The following DSCAML1 variants were observed in gnomAD, a reference collection of about 807,000 sequenced individuals.
The protein encoded by DSCAML1 is cell adhesion molecule DSCAML1.
A neutral mutation model predicts 200.5 loss-of-function variants in DSCAML1; 38 were observed. That is an observed-to-expected ratio of 0.19 (90% CI 0.15 to 0.25). The LOEUF is 0.25. Ranked by LOEUF, DSCAML1 falls within the 10% of genes least tolerant of loss-of-function variation. The pLI is 1.00. For synonymous variants in DSCAML1, 1,215 were observed against 1,165.0 expected, an observed-to-expected ratio of 1.04 and a Z score of -0.87; for missense variants, 2,223 against 2,858.8, an observed-to-expected ratio of 0.78 and a Z score of 5.07.
In DSCAML1 at chr11:117,433,262, G is replaced by A; in HGVS notation, c.4908-6C>T. 1 of 1,606,196 alleles carries A rather than the reference G, an allele frequency of 6.2e-7. No individual in the cohort carries two copies. The highest frequency in any genetic ancestry group is 8.5e-7 in the Non-Finnish European group (1 of 1,175,654). On this transcript the variant is annotated splice_region_variant and splice_polypyrimidine_tract_variant and intron_variant, in intron 28 of 32. Transcript: ENST00000651296. ...CAAAGCTTCTATTGTTCTTGCTGTG[G>A]GGAGAAAGACTGGAGGTGGTGGCTC...
intron 12 of DSCAML1, 140 bp downstream of exon 12, chr11:117,481,823 G>A (rs1455793949): frequency 2.4e-6 from 2 of 840,896 alleles, no homozygotes; most frequent in Non-Finnish European, 3.7e-6. Flanking sequence ...GGAAATAGGT[G>A]GGAAAGGGGA....
Position 117,486,027 on chromosome 11 carries a change from G to A in DSCAML1, c.2360-3865C>T, listed in dbSNP as rs777120702. Among the ~76,000 whole-genome samples the A allele has an allele frequency of 4.1e-4, 62 of 152,360 alleles. 1 individual carries two copies. Among genetic ancestry groups the A allele is most frequent in the Middle Eastern group, 3.4e-3 (1 of 294 alleles). Reference sequence around the variant, plus strand: ...CTGAATTCAAAACAACTGGGTGCCAGGTAATAAGGACTACCTCACATGTAC... The same window carrying A: ...CTGAATTCAAAACAACTGGGTGCCAAGTAATAAGGACTACCTCACATGTAC... On this transcript the variant is annotated intron_variant, in intron 11 of 32. Transcript: ENST00000651296.
intron 3 of DSCAML1, among the ~76,000 whole-genome samples, chr11:117,635,804 G>A (rs2052270555): frequency 6.6e-6 from 1 of 152,184 alleles, no homozygotes; most frequent in Admixed American, 6.5e-5. Flanking sequence ...GTGATGTAGT[G>A]AAGTCATAAC....
chr11:117,711,614 C>T (rs948426005), intron 3 of DSCAML1, among the ~76,000 whole-genome samples: 2 of 152,222 alleles, frequency 1.3e-5, no homozygotes, highest in African/African-American at 2.4e-5. Context: ...GGACAACACT[C>T]ATGGTGTGCT....
At chr11:117,428,873 C>T in intron 32 of DSCAML1, 70 bp from the exon 33 acceptor site, 1 of 1,402,090 alleles carries the variant, frequency 7.1e-7, no homozygotes, top group Non-Finnish European at 9.7e-7. Flanking sequence ...TCAGCCCCCA[C>T]CCCATCCCCT....
chr11:117,493,069 C>T (rs575155108), intron 11 of DSCAML1, among the ~76,000 whole-genome samples: 417 of 152,118 alleles, frequency 2.7e-3, no homozygotes, highest in Non-Finnish European at 4.2e-3. Context: ...AGAACTGGGC[C>T]GAACAGTATG....
In DSCAML1 at chr11:117,575,271, T is replaced by C. The variant is rs192569860; in HGVS notation, c.512-42749A>G. Among the ~76,000 whole-genome samples the C allele has an allele frequency of 5.9e-5, 9 of 152,308 alleles. No individual in the cohort carries two copies. The East Asian group carries it at 1.7e-3, about 29-fold the overall frequency. On this transcript the variant is annotated intron_variant, in intron 3 of 32. Transcript: ENST00000651296. ...CCACATCTGGAGGACTGGGCTCTGTTGGTAGAAACCAGAGCAAAGCACCCG... is the reference window on the plus strand; with the variant it reads ...CCACATCTGGAGGACTGGGCTCTGTCGGTAGAAACCAGAGCAAAGCACCCG...
intron 1 of DSCAML1, among the ~76,000 whole-genome samples, chr11:117,785,381 G>A (rs956518147): frequency 6.6e-6 from 1 of 152,130 alleles, no homozygotes; most frequent in African/African-American, 2.4e-5. Context: ...TGGATAGGTG[G>A]GGTGACAAGG....
chr11:117,528,854 T>C (rs1304072725), intron 4 of DSCAML1, among the ~76,000 whole-genome samples: 1 of 152,214 alleles, frequency 6.6e-6, no homozygotes. Flanking sequence ...TTAGGTTGTA[T>C]TTTGTGGAGG....
intron 3 of DSCAML1, among the ~76,000 whole-genome samples, chr11:117,762,894 A>C (rs2054829383): frequency 6.7e-6 from 1 of 150,046 alleles, no homozygotes; most frequent in South Asian, 2.1e-4. Context: ...TAATAATAAT[A>C]ATAATAATTT....
chr11:117,442,332 TA>T (rs201480990), intron 21 of DSCAML1, among the ~76,000 whole-genome samples: 4 of 120,336 alleles, frequency 3.3e-5, no homozygotes, highest in South Asian at 2.8e-4. Context: ...TTAGTGTGTA[TA>T]GTGTGTATGT....
intron 14 of DSCAML1, among the ~76,000 whole-genome samples, chr11:117,478,218 G>A (rs991480180): frequency 1.3e-5 from 2 of 152,222 alleles, no homozygotes. Flanking sequence ...CAGTGGAGGG[G>A]CTGTGGGCAT....
intron 3 of DSCAML1, among the ~76,000 whole-genome samples, chr11:117,737,287 C>A (rs1191317211): frequency 6.6e-6 from 1 of 152,228 alleles, no homozygotes; most frequent in Non-Finnish European, 1.5e-5. Flanking sequence ...CTGTAAAAGG[C>A]TTTTCAGGAT....
chr11:117,641,175 T>A lies in DSCAML1; in HGVS notation c.512-108653A>T, dbSNP rs79102473. 6.2e-3 allele frequency among the ~76,000 whole-genome samples: 950 copies of A among 152,308 alleles called. 10 individuals carry two copies. The highest frequency in any genetic ancestry group is 0.022 in the African/African-American group (910 of 41,556). ...GCCAAGTACGCTGGGTCTGATCAGA[T>A]GCCAGGACTGGGGACTAGTTGACCC... On this transcript the variant is annotated intron_variant, in intron 3 of 32. Transcript: ENST00000651296.
chr11:117,757,567 A>G (rs2054715869), intron 3 of DSCAML1, among the ~76,000 whole-genome samples: 1 of 123,854 alleles, frequency 8.1e-6, no homozygotes, highest in South Asian at 2.8e-4. Context: ...ACCAATTAGG[A>G]GCCTATACAC....
intron 3 of DSCAML1, among the ~76,000 whole-genome samples, chr11:117,700,158 C>T (rs1038872046): frequency 6.6e-5 from 10 of 152,164 alleles, no homozygotes; most frequent in Non-Finnish European, 1.2e-4. Context: ...TGGTGCCTGG[C>T]GACTGCCCAG....
chr11:117,729,048 G>A (rs2054177980), intron 3 of DSCAML1, among the ~76,000 whole-genome samples: 1 of 152,228 alleles, frequency 6.6e-6, no homozygotes, highest in Non-Finnish European at 1.5e-5. Context: ...AATCAAGATA[G>A]TGTGGTACTG....
chr11:117,443,712 G>A (rs866889694), intron 21 of DSCAML1, among the ~76,000 whole-genome samples, 174 bp downstream of exon 21: 3 of 152,232 alleles, frequency 2.0e-5, no homozygotes, highest in African/African-American at 7.2e-5. Context: ...CTGGAGTCAG[G>A]GGGCAGCAGA....
intron 3 of DSCAML1, among the ~76,000 whole-genome samples, chr11:117,568,107 A>C (rs1206634299): frequency 1.3e-5 from 2 of 152,250 alleles, no homozygotes; most frequent in Non-Finnish European, 2.9e-5. Flanking sequence ...ATATAAACAG[A>C]ACCAAAGACA....
Sources: allele counts gnomAD v4.1 joint callset (sites outside exome capture counted in the v4.1 genomes callset), GRCh38; gene constraint gnomAD v4.1.1; transcripts MANE v1.5; gene names NCBI Gene and HGNC (gene_info 2026-07-23, HGNC 2026-07-21).